The following PTK2B variants were observed in gnomAD, a reference collection of about 807,000 sequenced individuals.
The protein encoded by PTK2B is protein tyrosine kinase 2 beta.
A neutral mutation model predicts 142.9 loss-of-function variants in PTK2B; 71 were observed. That is an observed-to-expected ratio of 0.50 (90% CI 0.41 to 0.61). The LOEUF (loss-of-function observed/expected upper bound fraction) is 0.61, where lower values mean the gene tolerates loss of function less well. Ranked by LOEUF, PTK2B falls within the 20% of genes least tolerant of loss-of-function variation. The pLI, the probability that PTK2B is intolerant of heterozygous loss-of-function variation, is 0.00. For missense variants in PTK2B, 1,105 were observed against 1,320.4 expected (o/e 0.84, Z 2.53); for synonymous variants, 519 against 503.4 (o/e 1.03, Z -0.42).
At chr8:27,453,086 C>T (rs897856851) in intron 27 of PTK2B, 28 bp from the exon 28 acceptor site, 3 of 1,612,964 alleles carry the variant, frequency 1.9e-6, no homozygotes, top group Admixed American at 1.7e-5. Context: ...TGAGAACTGC[C>T]CCCCACTTGC....
At position 27,437,405 on chromosome 8, in the gene PTK2B, A is replaced by C; in HGVS notation, c.1436A>C (p.Lys479Thr). The C allele has an allele frequency of 6.2e-7, 1 of 1,611,910 alleles. No individual in the cohort carries two copies. Among genetic ancestry groups the C allele is most frequent in the East Asian group, 2.2e-5 (1 of 44,858 alleles). ...CCCCACCACACTGCAGTGATCATGA[A>C]GAACCTCGACCACCCGCACATCGTG... ...EKFMSEAVIM[K>T]NLDHPHIVKL... The change falls in exon 17 of 31, where the codon AAG becomes ACG. Residue 479 changes from lysine (K) to threonine (T), a missense_variant. By Grantham distance (78) the Lys-to-Thr change is moderately conservative. Coordinates refer to ENST00000346049, the MANE Select transcript of PTK2B (RefSeq NM_173176.3).
intron 1 of PTK2B, among the ~76,000 whole-genome samples, chr8:27,352,798 G>C (rs774275849): frequency 6.6e-6 from 1 of 152,110 alleles, no homozygotes. Flanking sequence ...GCTCCTCCTT[G>C]CCTTCTGCCA....
At chr8:27,401,005 G>C (rs569271342) in intron 2 of PTK2B, among the ~76,000 whole-genome samples, 1 of 152,264 alleles carries the variant, frequency 6.6e-6, no homozygotes, top group South Asian at 2.1e-4. Context: ...TGGGTATGGT[G>C]GTGTGCACCT....
At chr8:27,403,351 A>G (rs979534089) in intron 2 of PTK2B, among the ~76,000 whole-genome samples, 3 of 151,828 alleles carry the variant, frequency 2.0e-5, no homozygotes, top group South Asian at 2.1e-4. Context: ...TAGTTACTCC[A>G]TGCATATTTG....
chr8:27,458,206 G>T, intron 30 of PTK2B, 88 bp from the exon 31 acceptor site: 1 of 1,325,318 alleles, frequency 7.5e-7, no homozygotes, highest in Non-Finnish European at 1.1e-6. Context: ...GCTTTGGCCA[G>T]CATGCAGGTG....
chr8:27,399,628 A>T, intron 2 of PTK2B, among the ~76,000 whole-genome samples: 1 of 152,284 alleles, frequency 6.6e-6, no homozygotes, highest in East Asian at 1.9e-4. Context: ...GGAGAAGGCA[A>T]TGAGACCCAG....
At chr8:27,414,282 T>C (rs187545015) in intron 2 of PTK2B, among the ~76,000 whole-genome samples, 31 of 152,216 alleles carry the variant, frequency 2.0e-4, no homozygotes, top group African/African-American at 7.5e-4. Context: ...TCTCACTCTG[T>C]TGCCCAGGCT....
rs1175367668 is a variant in PTK2B at position 27,378,583 on chromosome 8, T to TA, written c.-37-18961dup. Among the ~76,000 whole-genome samples the TA allele has an allele frequency of 2.0e-5, 3 of 151,064 alleles. No homozygotes were observed. The East Asian group carries it at 5.8e-4, about 29-fold the overall frequency. On this transcript the variant is annotated intron_variant, in intron 1 of 30. Transcript: ENST00000346049. ...TTAAGTTGCACATGATTCAAGAGTA[T>TA]AAAATCTTACAGCTTATCTGTGTGT...
At chr8:27,445,076 T>C (rs1270719767) in intron 23 of PTK2B, among the ~76,000 whole-genome samples, 1 of 152,092 alleles carries the variant, frequency 6.6e-6, no homozygotes, top group African/African-American at 2.4e-5. Flanking sequence ...ATGTGCAATA[T>C]TTAAAACAGG....
intron 1 of PTK2B, among the ~76,000 whole-genome samples, chr8:27,366,686 C>T (rs967910920): frequency 2.0e-5 from 3 of 152,146 alleles, no homozygotes; most frequent in Admixed American, 6.5e-5. Context: ...CAGCCCATTT[C>T]CCCCCGAGGG....
At chr8:27,319,955 CCAA>C (rs1438372479) in intron 3 of PTK2B, among the ~76,000 whole-genome samples, 1 of 152,202 alleles carries the variant, frequency 6.6e-6, no homozygotes, top group Non-Finnish European at 1.5e-5. Flanking sequence ...TTTCTCCCCA[CCAA>C]CAACTGATTG....
In PTK2B at chr8:27,318,595, T is replaced by C. The variant is rs368231431; in HGVS notation, c.-413-3807T>C. On this transcript the variant is annotated intron_variant, in intron 3 of 35. Coordinates refer to the PTK2B transcript ENST00000397501. The stretch of plus-strand genomic sequence containing the variant: ...GCGTGCCCAATAGCTGCGGAAACCA[T>C]GTGTCCTCTGTGGCAACCATGTGTC... Among the ~76,000 whole-genome samples, 9 of 152,206 alleles carry C rather than the reference T, an allele frequency of 5.9e-5. No homozygotes were observed. In the East Asian group the frequency reaches 9.7e-4, roughly 16 times the overall value.
At position 27,439,149 on chromosome 8, in the gene PTK2B, C is replaced by T. The variant is rs778100024; in HGVS notation, c.1744+18C>T. ...TTACAAAGGTGAGGGGGCTTCCCAG[C>T]CTCTGCATTGGCCTTGGAGGGGTCG... On this transcript the variant is annotated intron_variant, in intron 19 of 30. Transcript: ENST00000346049. 56 of 1,607,716 alleles carry T rather than the reference C, an allele frequency of 3.5e-5. No homozygotes were observed. Among genetic ancestry groups the T allele is most frequent in the African/African-American group, 5.4e-5 (4 of 74,764 alleles).
intron 1 of PTK2B, among the ~76,000 whole-genome samples, chr8:27,355,725 T>C (rs1218581883): frequency 2.0e-5 from 3 of 152,184 alleles, no homozygotes; most frequent in African/African-American, 4.8e-5. Flanking sequence ...AATACACTTA[T>C]ATATTTAGAA....
chr8:27,372,028 TA>T (rs1231729380), intron 1 of PTK2B, among the ~76,000 whole-genome samples: 2 of 152,238 alleles, frequency 1.3e-5, no homozygotes, highest in South Asian at 2.1e-4. Flanking sequence ...GTGGATTGCA[TA>T]AGAAAGCATA....
At chr8:27,313,481 G>A (rs1232869363) in intron 3 of PTK2B, among the ~76,000 whole-genome samples, 1 of 152,194 alleles carries the variant, frequency 6.6e-6, no homozygotes, top group Non-Finnish European at 1.5e-5. Flanking sequence ...ACCCAAGCGG[G>A]CAACTTGAGG....
intron 4 of PTK2B, among the ~76,000 whole-genome samples, 167 bp downstream of exon 4, chr8:27,420,911 A>T (rs533276618): frequency 6.6e-6 from 1 of 152,142 alleles, no homozygotes; most frequent in African/African-American, 2.4e-5. Context: ...CGCGGCTCCA[A>T]CCCTGCTTTT....
chr8:27,315,598 C>T (rs1394314440), intron 3 of PTK2B, among the ~76,000 whole-genome samples: 3 of 151,968 alleles, frequency 2.0e-5, no homozygotes, highest in Non-Finnish European at 4.4e-5. Flanking sequence ...GTGTTTCATT[C>T]TGTTCTTACC....
chr8:27,436,441 T>C, intron 15 of PTK2B, 93 bp downstream of exon 15: 1 of 1,268,796 alleles, frequency 7.9e-7, no homozygotes, highest in Non-Finnish European at 1.1e-6. Context: ...TGGCACAGCC[T>C]TCATCCACTT....
Sources: gnomAD v4.1 joint callset for allele counts (sites outside exome capture counted in the v4.1 genomes callset) on GRCh38, gnomAD v4.1.1 for gene constraint, MANE v1.5 for transcripts, NCBI Gene and HGNC (gene_info 2026-07-23, HGNC 2026-07-21) for gene names.